RPS6KC1: variants seen among roughly 807,000 people sequenced by gnomAD.
The protein encoded by RPS6KC1 is ribosomal protein S6 kinase C1.
Under a neutral mutation model 103.8 loss-of-function variants are expected in RPS6KC1, and 54 were observed. The observed-to-expected ratio is 0.52, with a 90% confidence interval of 0.42 to 0.65. The LOEUF (loss-of-function observed/expected upper bound fraction) is 0.65, where lower values mean the gene tolerates loss of function less well. RPS6KC1 is among the 30% of genes least tolerant of loss of function. RPS6KC1 has a pLI of 0.00. For synonymous variants in RPS6KC1, 439 were observed against 438.7 expected, an observed-to-expected ratio of 1.00 and a Z score of -0.01; for missense variants, 1,151 against 1,253.8, an observed-to-expected ratio of 0.92 and a Z score of 1.24.
intron 8 of RPS6KC1, among the ~76,000 whole-genome samples, chr1:213,211,893 A>G (rs1342511464): frequency 6.6e-6 from 1 of 152,122 alleles, no homozygotes; most frequent in Non-Finnish European, 1.5e-5. Context: ...TTTAGATGGG[A>G]AGTAGAGAAG....
At chr1:213,173,321 A>G (rs1402300700) in intron 7 of RPS6KC1, among the ~76,000 whole-genome samples, 4 of 152,208 alleles carry the variant, frequency 2.6e-5, no homozygotes, top group Non-Finnish European at 5.9e-5. Flanking sequence ...TTTAATGATC[A>G]CTTTGCCTTT....
chr1:213,579,123 A>G, the RPS6KC1 span, among the ~76,000 whole-genome samples: 1 of 151,974 alleles, frequency 6.6e-6, no homozygotes. Flanking sequence ...GGTTTTATAA[A>G]TTACACTTTC....
chr1:213,513,576 A>G, the RPS6KC1 span, among the ~76,000 whole-genome samples: 2 of 152,338 alleles, frequency 1.3e-5, no homozygotes, highest in African/African-American at 4.8e-5. Flanking sequence ...TTTTACCCCA[A>G]TCTAACCCCA....
chr1:213,719,336 T>C, the RPS6KC1 span, among the ~76,000 whole-genome samples: 1 of 152,200 alleles, frequency 6.6e-6, no homozygotes, highest in African/African-American at 2.4e-5. Flanking sequence ...CAGAGGGTCA[T>C]GTACTCTCAA....
At chr1:213,269,749 G>A (rs866145472) in intron 14 of RPS6KC1, among the ~76,000 whole-genome samples, 8 of 151,854 alleles carry the variant, frequency 5.3e-5, no homozygotes, top group Admixed American at 1.3e-4. Context: ...AGCTTGCACC[G>A]TAAGAAACTA....
the RPS6KC1 span, among the ~76,000 whole-genome samples, chr1:213,667,594 G>A: frequency 6.6e-6 from 1 of 152,228 alleles, no homozygotes; most frequent in Non-Finnish European, 1.5e-5. Context: ...GGTGACTGCT[G>A]AAGGTTAGGG....
rs771374489 is a variant in RPS6KC1 at position 213,129,715 on chromosome 1, G to A, written c.661G>A (p.Glu221Lys). The A allele has an allele frequency of 6.2e-7, 1 of 1,614,060 alleles. No homozygotes were observed. Among genetic ancestry groups the A allele is most frequent in the Non-Finnish European group, 8.5e-7 (1 of 1,179,962 alleles). The change falls in exon 6 of 15, where the codon GAA becomes AAA. Residue 221 changes from glutamate to lysine, a missense_variant. This residue lies in a region of RPS6KC1 where 959 missense variants were observed against 1,006.3 expected (regional missense o/e 0.95). Coordinates refer to ENST00000366960, the MANE Select transcript of RPS6KC1 (RefSeq NM_012424.6). ...ACAGAGCAAAACAGAAGAAGAACGG[G>A]AAAGTCGTAGCCTCTTTCCTGGCAG... ...SEQSKTEEER[E>K]SRSLFPGSLK...
the RPS6KC1 span, among the ~76,000 whole-genome samples, chr1:213,463,285 T>A: frequency 6.6e-6 from 1 of 152,198 alleles, no homozygotes; most frequent in East Asian, 1.9e-4. Flanking sequence ...CTGGGGCCTG[T>A]CTGCTTGGGC....
At chr1:213,328,671 G>A in the RPS6KC1 span, among the ~76,000 whole-genome samples, 1 of 151,482 alleles carries the variant, frequency 6.6e-6, no homozygotes, top group African/African-American at 2.4e-5. Context: ...TAAAAGGGGA[G>A]AGGAGAAAGG....
chr1:213,837,554 C>T, the RPS6KC1 span, among the ~76,000 whole-genome samples: 1 of 152,086 alleles, frequency 6.6e-6, no homozygotes, highest in Non-Finnish European at 1.5e-5. Flanking sequence ...AAGAACTGTC[C>T]CCTGACTATT....
the RPS6KC1 span, among the ~76,000 whole-genome samples, chr1:213,823,843 A>G: frequency 4.6e-5 from 7 of 152,156 alleles, no homozygotes; most frequent in Non-Finnish European, 2.9e-5. Flanking sequence ...AACTTTTTAC[A>G]TATATTATCT....
chr1:213,230,862 A>G lies in RPS6KC1; in HGVS notation c.1092+318A>G, dbSNP rs1164995680. 2.0e-5 allele frequency among the ~76,000 whole-genome samples: 3 copies of G among 151,664 alleles called. No individual in the cohort carries two copies. The East Asian group carries it at 5.8e-4, about 29-fold the overall frequency. The stretch of plus-strand genomic sequence containing the variant: ...AAAAAAAAAAAAAAAAAAAAGAGTA[A>G]GTAAAATTTATATGTTTAATGAATT... On this transcript the variant is annotated intron_variant, in intron 9 of 14. Coordinates refer to ENST00000366960, the MANE Select transcript of RPS6KC1 (RefSeq NM_012424.6).
the RPS6KC1 span, among the ~76,000 whole-genome samples, chr1:213,554,180 C>CTA: frequency 6.6e-6 from 1 of 152,244 alleles, no homozygotes; most frequent in African/African-American, 2.4e-5. Flanking sequence ...AGTCTTTAAT[C>CTA]TATCTTGAGT....
At chr1:213,156,221 G>A (rs2133174) in intron 6 of RPS6KC1, among the ~76,000 whole-genome samples, 141,493 of 152,280 alleles carry the variant, frequency 0.93, 65,902 homozygotes, top group East Asian at 1. Flanking sequence ...AGAAATGAAT[G>A]CAAAGGTTGT....
the RPS6KC1 span, among the ~76,000 whole-genome samples, chr1:213,344,724 G>A: frequency 6.6e-6 from 1 of 152,116 alleles, no homozygotes; most frequent in African/African-American, 2.4e-5. Context: ...TAGTAGAGAC[G>A]AGGTTTTGCC....
At chr1:213,228,607 A>G (rs538914935) in intron 8 of RPS6KC1, among the ~76,000 whole-genome samples, 2 of 152,064 alleles carry the variant, frequency 1.3e-5, no homozygotes, top group South Asian at 2.1e-4. Flanking sequence ...TGCCTGTAGT[A>G]CCAGCTACTT....
At chr1:213,250,354 T>C (rs137953840) in intron 12 of RPS6KC1, among the ~76,000 whole-genome samples, 1 of 152,162 alleles carries the variant, frequency 6.6e-6, no homozygotes, top group South Asian at 2.1e-4. Context: ...CCAGGAACTT[T>C]CAAACAGTTC....
At chr1:213,815,420 C>T in the RPS6KC1 span, among the ~76,000 whole-genome samples, 1 of 152,178 alleles carries the variant, frequency 6.6e-6, no homozygotes, top group African/African-American at 2.4e-5. Flanking sequence ...TAGTTATGCA[C>T]CCCAAGTTGT....
the RPS6KC1 span, among the ~76,000 whole-genome samples, chr1:213,514,903 T>C: frequency 6.6e-6 from 1 of 152,198 alleles, no homozygotes; most frequent in Non-Finnish European, 1.5e-5. Flanking sequence ...TGTTTCCTAC[T>C]TTTTAATGAT....
Sources: allele counts gnomAD v4.1 joint callset (sites outside exome capture counted in the v4.1 genomes callset), GRCh38; gene constraint gnomAD v4.1.1; regional missense constraint gnomAD v4.1.1; transcripts MANE v1.5; gene names NCBI Gene and HGNC (gene_info 2026-07-23, HGNC 2026-07-21).